Variants in STK3 observed in about 807,000 individuals in gnomAD.
STK3 encodes the protein serine/threonine kinase 3, also known as serine/threonine-protein kinase 3.
Under a neutral mutation model 58.0 loss-of-function variants are expected in STK3, and 41 were observed. The ratio of observed to expected loss-of-function variants is 0.71; its 90% CI spans 0.55 to 0.92. The LOEUF (loss-of-function observed/expected upper bound fraction) is 0.92. STK3 is among the 40% of genes least tolerant of loss of function. The pLI, the probability that STK3 is intolerant of heterozygous loss-of-function variation, is 0.00. For missense variants in STK3, 479 were observed against 602.7 expected, an observed-to-expected ratio of 0.79 and a Z score of 2.15; for synonymous variants, 170 against 191.0, an observed-to-expected ratio of 0.89 and a Z score of 0.91.
At chr8:98,868,819 T>TA (rs950022162) in intron 3 of STK3, among the ~76,000 whole-genome samples, 25 of 148,940 alleles carry the variant, frequency 1.7e-4, no homozygotes, top group East Asian at 2.0e-4. Flanking sequence ...AAATAAAAAA[T>TA]AAAAAAAAAT....
intron 6 of STK3, among the ~76,000 whole-genome samples, chr8:98,667,793 CT>C (rs1822482478): frequency 6.6e-6 from 1 of 151,950 alleles, no homozygotes; most frequent in Admixed American, 6.5e-5. Context: ...ACAATCATAA[CT>C]TTTCCTCATA....
chr8:98,396,016 CA>C (rs2131019240), intron 3 of STK3, among the ~76,000 whole-genome samples: 1 of 152,300 alleles, frequency 6.6e-6, no homozygotes, highest in East Asian at 1.9e-4. Context: ...CTTTCAGCTT[CA>C]GTGAAATGTT....
chr8:98,643,775 C>A (rs1820199734), intron 6 of STK3, among the ~76,000 whole-genome samples: 1 of 151,984 alleles, frequency 6.6e-6, no homozygotes, highest in Non-Finnish European at 1.5e-5. Flanking sequence ...CTCTGGGAGG[C>A]CAAAGGAAGG....
rs372554929 is a variant in STK3 at position 98,640,421 on chromosome 8, T to C, written c.685-44252A>G. Among the ~76,000 whole-genome samples, 20 of 152,302 alleles carry C rather than the reference T, an allele frequency of 1.3e-4. No individual in the cohort carries two copies. In the East Asian group the frequency reaches 3.9e-3, roughly 29 times the overall value. On this transcript the variant is annotated intron_variant, in intron 6 of 10. Transcript: ENST00000419617. Reference sequence around the variant, plus strand: ...AAAACTTCAAGGAAGAATATATTCTTTTGTAGTTCTGTAATCTAGTGGAAA... The same window carrying C: ...AAAACTTCAAGGAAGAATATATTCTCTTGTAGTTCTGTAATCTAGTGGAAA...
At chr8:98,869,093 G>A (rs528504416) in intron 3 of STK3, among the ~76,000 whole-genome samples, 1 of 144,856 alleles carries the variant, frequency 6.9e-6, no homozygotes, top group East Asian at 2.0e-4. Context: ...GAGAGAAAGA[G>A]AAAATAGAAA....
At chr8:98,643,121 A>T (rs1193484744) in intron 6 of STK3, among the ~76,000 whole-genome samples, 1 of 152,130 alleles carries the variant, frequency 6.6e-6, no homozygotes, top group Non-Finnish European at 1.5e-5. Flanking sequence ...CAGCTACTCC[A>T]GAGGCTGAGG....
chr8:98,928,437 AT>A (rs1449830784), intron 1 of STK3, among the ~76,000 whole-genome samples: 3 of 152,286 alleles, frequency 2.0e-5, no homozygotes, highest in Non-Finnish European at 2.9e-5. Context: ...GTGCTTTAAA[AT>A]ATACCTATGC....
rs556149662 is a variant in STK3 at position 98,823,430 on chromosome 8, AAG to A, written c.26+2083_26+2084del. Among the ~76,000 whole-genome samples, 540 of 152,362 alleles carry A rather than the reference AAG, an allele frequency of 3.5e-3. 4 individuals carry two copies. Among genetic ancestry groups the A allele is most frequent in the African/African-American group, 0.013 (520 of 41,586 alleles). On this transcript the variant is annotated intron_variant, in intron 1 of 10. Coordinates refer to ENST00000419617, the MANE Select transcript of STK3 (RefSeq NM_006281.4). ...ACCACTACATCATGGAATGATAAGA[AAG>A]AGAGTTTCAAAAAGAGCCATCACTG... is the stretch of plus-strand genomic sequence containing the variant.
At chr8:98,713,990 A>G (rs1201334878) in intron 4 of STK3, among the ~76,000 whole-genome samples, 2 of 152,246 alleles carry the variant, frequency 1.3e-5, no homozygotes, top group Non-Finnish European at 2.9e-5. Context: ...GCAAATGAAT[A>G]AACATAATCC....
At chr8:98,593,101 G>T (rs1402918399) in intron 7 of STK3, among the ~76,000 whole-genome samples, 1 of 152,096 alleles carries the variant, frequency 6.6e-6, no homozygotes, top group East Asian at 1.9e-4. Flanking sequence ...CCACCAGCAG[G>T]TATAAGGATC....
chr8:98,496,964 T>A (rs1265045277), intron 10 of STK3, among the ~76,000 whole-genome samples: 4 of 152,098 alleles, frequency 2.6e-5, no homozygotes, highest in Admixed American at 2.0e-4. Context: ...TGGTTTTTTT[T>A]AACCAAAATA....
At chr8:98,429,473 C>T in intron 3 of STK3, 4 of 1,230,748 alleles carry the variant, frequency 3.3e-6, no homozygotes, top group Non-Finnish European at 4.7e-6. Flanking sequence ...GCCTCTGGCA[C>T]AGCCCAGGCA....
chr8:98,579,252 A>T (rs1813660989), intron 8 of STK3, among the ~76,000 whole-genome samples: 1 of 152,222 alleles, frequency 6.6e-6, no homozygotes, highest in Non-Finnish European at 1.5e-5. Context: ...AAAGGAATTA[A>T]TAGCTAGTTT....
chr8:98,537,193 A>T (rs1008719744), intron 9 of STK3, among the ~76,000 whole-genome samples: 1 of 152,240 alleles, frequency 6.6e-6, no homozygotes, highest in Non-Finnish European at 1.5e-5. Context: ...TCAAATGTAT[A>T]ATGTATGTGC....
intron 6 of STK3, among the ~76,000 whole-genome samples, chr8:98,631,264 C>T (rs1819206760): frequency 6.6e-6 from 1 of 152,260 alleles, no homozygotes. Flanking sequence ...TGCTCAAAAC[C>T]CTGCAATGGT....
intron 1 of STK3, among the ~76,000 whole-genome samples, chr8:98,441,906 C>G (rs1198749475): frequency 6.6e-6 from 1 of 152,212 alleles, no homozygotes; most frequent in African/African-American, 2.4e-5. Context: ...GTCTCCCTCT[C>G]TCATTCAGCT....
At chr8:98,535,472 T>TC (rs1352684205) in intron 9 of STK3, among the ~76,000 whole-genome samples, 7 of 150,996 alleles carry the variant, frequency 4.6e-5, no homozygotes, top group African/African-American at 7.3e-5. Context: ...TTTTTTTTTT[T>TC]CATCCAGCAC....
chr8:98,885,393 G>A (rs1022648251), intron 1 of STK3, among the ~76,000 whole-genome samples: 1 of 152,138 alleles, frequency 6.6e-6, no homozygotes, highest in Non-Finnish European at 1.5e-5. Context: ...AACATTTGTG[G>A]CATTTCTTAG....
At chr8:98,622,101 TA>T (rs35431395) in intron 6 of STK3, among the ~76,000 whole-genome samples, 3,008 of 91,392 alleles carry the variant, frequency 0.033, 45 homozygotes, top group African/African-American at 0.068. Flanking sequence ...CTGTCTCTAC[TA>T]AAAAAAAAAA....
Sources: gnomAD v4.1 joint callset for allele counts (sites outside exome capture counted in the v4.1 genomes callset) on GRCh38, gnomAD v4.1.1 for gene constraint, MANE v1.5 for transcripts, NCBI Gene and HGNC (gene_info 2026-07-23, HGNC 2026-07-21) for gene names.